Variants in SEPTIN9 observed in about 807,000 individuals in gnomAD.
SEPTIN9 encodes septin-9.
SEPTIN9 carries 13 observed loss-of-function variants against 56.6 expected under a neutral mutation model. The observed-to-expected ratio is 0.23, with a 90% CI of 0.15 to 0.37. The LOEUF is 0.37. Ranked by LOEUF, SEPTIN9 falls within the 10% of genes least tolerant of loss-of-function variation. The pLI, the probability that SEPTIN9 is intolerant of heterozygous loss-of-function variation, is 1.00. For synonymous variants in SEPTIN9, 332 were observed against 334.1 expected, an observed-to-expected ratio of 0.99 and a Z score of 0.07; for missense variants, 650 against 823.1, an observed-to-expected ratio of 0.79 and a Z score of 2.57.
intron 3 of SEPTIN9, among the ~76,000 whole-genome samples, chr17:77,413,286 C>CT (rs1475726845): frequency 1.3e-5 from 2 of 152,164 alleles, no homozygotes; most frequent in African/African-American, 2.4e-5. Flanking sequence ...GAGCCTGATA[C>CT]TTTTGGGGGA....
rs1350442126 is a variant in SEPTIN9, at chr17:77,367,799, G to A, written c.77-34260G>A. On this transcript the variant is annotated intron_variant, in intron 2 of 11. Coordinates refer to ENST00000427177, the MANE Select transcript of SEPTIN9 (RefSeq NM_001113491.2). The surrounding 1 kb of genome is among the most constrained non-coding windows in gnomAD (Gnocchi z 4.5). Reference sequence around the variant, plus strand: ...CCACTACACTACAGCCCGGGCGACAGAGTGAGACTGTCTAAAATAATAATA... The same window carrying A: ...CCACTACACTACAGCCCGGGCGACAAAGTGAGACTGTCTAAAATAATAATA... Among the ~76,000 whole-genome samples, 1 of 152,116 alleles carries A rather than the reference G, an allele frequency of 6.6e-6. No homozygotes were observed. The highest frequency in any genetic ancestry group is 1.9e-4 in the East Asian group (1 of 5,200).
rs1002703574 is a variant in SEPTIN9, at chr17:77,435,092, A to G, written c.721+32389A>G. Among the ~76,000 whole-genome samples, 4 of 152,140 alleles carry G rather than the reference A, an allele frequency of 2.6e-5. No homozygotes were observed. The East Asian group carries it at 7.7e-4, about 29-fold the overall frequency. ...TATCCCCTTTAATCCTCCCAACAAC[A>G]CTGTGAAATTGATTCTGTTGTTATT... On this transcript the variant is annotated intron_variant, in intron 3 of 11. Coordinates refer to ENST00000427177, the MANE Select transcript of SEPTIN9 (RefSeq NM_001113491.2). The surrounding 1 kb of genome is among the most constrained non-coding windows in gnomAD (Gnocchi z 4.5).
intron 2 of SEPTIN9, among the ~76,000 whole-genome samples, chr17:77,332,882 CT>C (rs1404226819): frequency 6.6e-6 from 1 of 152,214 alleles, no homozygotes; most frequent in Non-Finnish European, 1.5e-5. Context: ...TGAAAGACCC[CT>C]GGCTGTTTCC....
At chr17:77,417,297 A>G (rs1260785388) in intron 3 of SEPTIN9, among the ~76,000 whole-genome samples, 1 of 152,208 alleles carries the variant, frequency 6.6e-6, no homozygotes. Context: ...TCCAGCAGCC[A>G]AGCTCTGGAG....
At position 77,400,172 on chromosome 17, in the gene SEPTIN9, C is replaced by T. The variant is rs966907494; in HGVS notation, c.77-1887C>T. Among the ~76,000 whole-genome samples the T allele has an allele frequency of 6.6e-6, 1 of 152,142 alleles. No individual in the cohort carries two copies. The highest frequency in any genetic ancestry group is 2.4e-5 in the African/African-American group (1 of 41,434). On this transcript the variant is annotated intron_variant, in intron 2 of 11. Coordinates refer to ENST00000427177, the MANE Select transcript of SEPTIN9 (RefSeq NM_001113491.2). This position sits in a 1 kb window ranked among gnomAD's most constrained non-coding sequence, Gnocchi z 4.1. ...TTTATTTTTAGTAAAGATGGGGTTT[C>T]ACCACATCAGCCAGGCTGCTCAGTG... is the stretch of plus-strand genomic sequence containing the variant.
rs866329694 is a variant in SEPTIN9 at position 77,487,513 on chromosome 17, C to T, written c.1003C>T (p.Arg335Cys). The change falls in exon 5 of 12, where the codon CGC becomes TGC. Residue 335 changes from arginine to cysteine, a missense_variant. Arg to Cys is a radical substitution (Grantham distance 180). This residue lies in a region of SEPTIN9 where 333 missense variants were observed against 494.0 expected (regional missense o/e 0.67). Transcript: ENST00000427177. This position sits in a 1 kb window ranked among gnomAD's most constrained non-coding sequence, Gnocchi z 4.3. ...RKSVQPTSEE[R>C]IPKTIEIKSI... The stretch of plus-strand genomic sequence containing the variant: ...GTCGGTGCAGCCCACCTCAGAGGAG[C>T]GCATCCCCAAGACCATCGAGATCAA... 19 of 1,613,426 alleles carry T rather than the reference C, an allele frequency of 1.2e-5. No homozygotes were observed. The highest frequency in any genetic ancestry group is 3.3e-5 in the South Asian group (3 of 91,054).
intron 3 of SEPTIN9, among the ~76,000 whole-genome samples, chr17:77,443,304 T>C (rs1422310083): frequency 1.3e-5 from 2 of 152,082 alleles, no homozygotes; most frequent in East Asian, 3.9e-4. Context: ...GGTGGTTGGA[T>C]TGGATGTGGG....
At position 77,319,416 on chromosome 17, in the gene SEPTIN9, G is replaced by C. The variant is rs1015352742; in HGVS notation, c.76+12219G>C. 10 of 428,462 alleles carry C rather than the reference G, an allele frequency of 2.3e-5. No homozygotes were observed. The Admixed American group carries it at 5.5e-4, about 24-fold the overall frequency. 26.5% of individuals were successfully genotyped at this position (428,462 alleles called of 1,614,324 possible). On this transcript the variant is annotated intron_variant, in intron 2 of 11. Coordinates refer to ENST00000427177, the MANE Select transcript of SEPTIN9 (RefSeq NM_001113491.2). The surrounding 1 kb of genome is among the most constrained non-coding windows in gnomAD (Gnocchi z 5.3). ...GGAGAGGAAGACTCGCTCCCTCCCA[G>C]GGGACGGCTAGAGACTCACTGACTC...
intron 2 of SEPTIN9, among the ~76,000 whole-genome samples, chr17:77,351,656 C>A (rs1472543038): frequency 1.3e-5 from 2 of 152,238 alleles, no homozygotes; most frequent in Non-Finnish European, 2.9e-5. Context: ...GGTCAGAGAG[C>A]CGAGAAGGCT....
chr17:77,454,686 C>T (rs866893036), intron 3 of SEPTIN9, among the ~76,000 whole-genome samples: 5 of 152,204 alleles, frequency 3.3e-5, no homozygotes, highest in Admixed American at 6.5e-5. Flanking sequence ...TGTTCAAACT[C>T]GCCGCCGCTC....
chr17:77,318,399 T>C lies in SEPTIN9; in HGVS notation c.76+11202T>C, dbSNP rs1448595137. 1.3e-5 allele frequency among the ~76,000 whole-genome samples: 2 copies of C among 151,970 alleles called. No homozygotes were observed. Among genetic ancestry groups the C allele is most frequent in the African/African-American group, 4.8e-5 (2 of 41,360 alleles). ...ACCACCTAGACCATCCAGGGTGCTC[T>C]CGCCACAGCAAGATCTGCAACTGAA... On this transcript the variant is annotated intron_variant, in intron 2 of 11. Coordinates refer to ENST00000427177, the MANE Select transcript of SEPTIN9 (RefSeq NM_001113491.2). This position sits in a 1 kb window ranked among gnomAD's most constrained non-coding sequence, Gnocchi z 4.9.
chr17:77,296,620 A>C (rs2031825755), intron 1 of SEPTIN9, among the ~76,000 whole-genome samples: 1 of 152,220 alleles, frequency 6.6e-6, no homozygotes, highest in Non-Finnish European at 1.5e-5. Flanking sequence ...TGGTAGGCTG[A>C]GGCCGGTGGA....
intron 2 of SEPTIN9, among the ~76,000 whole-genome samples, chr17:77,372,705 CAGCGGTGGCCCCCGG>C (rs1263950522): frequency 2.0e-5 from 3 of 152,164 alleles, no homozygotes; most frequent in Non-Finnish European, 4.4e-5. Flanking sequence ...CAGGAGGGTG[CAGCGGTGGCCCCCGG>C]GGCGGTGGTC....
chr17:77,286,684 C>T (rs1187460069), intron 1 of SEPTIN9, among the ~76,000 whole-genome samples: 1 of 152,230 alleles, frequency 6.6e-6, no homozygotes, highest in African/African-American at 2.4e-5. Context: ...CTAGAGGTGG[C>T]CCCTGTTTCC....
intron 2 of SEPTIN9, among the ~76,000 whole-genome samples, chr17:77,381,899 A>G (rs2035157623): frequency 6.6e-6 from 1 of 152,208 alleles, no homozygotes; most frequent in Non-Finnish European, 1.5e-5. Flanking sequence ...GCATGGGCTC[A>G]GGAGAAGGGG....
intron 3 of SEPTIN9, among the ~76,000 whole-genome samples, chr17:77,480,366 A>G (rs1226801169): frequency 6.6e-6 from 1 of 152,076 alleles, no homozygotes; most frequent in African/African-American, 2.4e-5. Flanking sequence ...ACACCCTCTG[A>G]CCGCTCCAGT....
intron 2 of SEPTIN9, chr17:77,373,783 C>A: frequency 2.9e-6 from 2 of 697,432 alleles, no homozygotes; most frequent in Non-Finnish European, 4.2e-6. Flanking sequence ...TGCGCGCCCT[C>A]ACAGGACCCT....
intron 8 of SEPTIN9, among the ~76,000 whole-genome samples, chr17:77,491,210 T>A (rs897070506): frequency 3.1e-5 from 4 of 127,560 alleles, no homozygotes; most frequent in Non-Finnish European, 6.5e-5. Flanking sequence ...GCCCACCTTG[T>A]TTTATGCCCC....
At chr17:77,479,458 C>T (rs2039359371) in intron 3 of SEPTIN9, among the ~76,000 whole-genome samples, 1 of 152,250 alleles carries the variant, frequency 6.6e-6, no homozygotes, top group African/African-American at 2.4e-5. Flanking sequence ...CCAGCCGGGG[C>T]CTGCAAGGCC....
Sources: gnomAD v4.1 joint callset for allele counts (sites outside exome capture counted in the v4.1 genomes callset) on GRCh38, gnomAD v4.1.1 for gene constraint, gnomAD v4.1.1 regional missense constraint, Gnocchi (gnomAD v3.1) non-coding constraint, MANE v1.5 for transcripts, NCBI Gene and HGNC (gene_info 2026-07-23, HGNC 2026-07-21) for gene names.